LRP1B: variants seen among roughly 807,000 people sequenced by gnomAD.
The protein encoded by LRP1B is low-density lipoprotein receptor-related protein 1B.
In LRP1B, 217 loss-of-function variants were observed where a neutral mutation model predicts 556.6. That is an observed-to-expected ratio of 0.39 (90% confidence interval 0.35 to 0.44). The LOEUF is 0.44. LRP1B is among the 20% of genes least tolerant of loss of function. The pLI is 1.00. For synonymous variants in LRP1B, 2,047 were observed against 1,865.8 expected (o/e 1.10, Z -2.50); for missense variants, 5,053 against 5,620.8 (o/e 0.90, Z 3.23).
chr2:140,327,334 G>A lies in LRP1B; in HGVS notation c.12224-1456C>T, dbSNP rs937421227. On this transcript the variant is annotated intron_variant, in intron 79 of 90. Transcript: ENST00000389484. Reference sequence around the variant, plus strand: ...ACAAATATTTAGCTCACATGTAATCGAACTAAATATTTTGTTCCTCAAGTA... The same window carrying A: ...ACAAATATTTAGCTCACATGTAATCAAACTAAATATTTTGTTCCTCAAGTA... Among the ~76,000 whole-genome samples, 13 of 152,088 alleles carry A rather than the reference G, an allele frequency of 8.5e-5. No homozygotes were observed. In the East Asian group the frequency reaches 1.7e-3, roughly 20 times the overall value.
chr2:141,027,096 T>C (rs1698237549), intron 11 of LRP1B, among the ~76,000 whole-genome samples: 4 of 152,144 alleles, frequency 2.6e-5, no homozygotes, highest in African/African-American at 2.4e-5. Context: ...CAAAGTTTCC[T>C]TGGAAGAAGG....
intron 41 of LRP1B, among the ~76,000 whole-genome samples, chr2:140,695,179 AC>A (rs1233527097): frequency 1.1e-4 from 16 of 151,552 alleles, no homozygotes; most frequent in Non-Finnish European, 2.9e-5. Flanking sequence ...TTTAGTACTC[AC>A]TTCTCTCTAC....
intron 66 of LRP1B, among the ~76,000 whole-genome samples, chr2:140,405,944 A>C (rs1424969242): frequency 1.3e-5 from 2 of 152,192 alleles, no homozygotes; most frequent in Non-Finnish European, 2.9e-5. Context: ...AATCCCCAAC[A>C]AAATACCAGA....
chr2:140,498,173 T>G (rs933861546), intron 55 of LRP1B, among the ~76,000 whole-genome samples: 1 of 151,864 alleles, frequency 6.6e-6, no homozygotes, highest in Non-Finnish European at 1.5e-5. Context: ...AAGTGAGAAT[T>G]ATATGTATTC....
intron 2 of LRP1B, among the ~76,000 whole-genome samples, chr2:141,573,132 C>T (rs1686596442): frequency 6.6e-6 from 1 of 152,194 alleles, no homozygotes; most frequent in Admixed American, 6.5e-5. Context: ...TACCCCAAAT[C>T]AATAGACTAT....
chr2:140,256,710 G>A lies in LRP1B; in HGVS notation c.13248-9548C>T, dbSNP rs543840967. Among the ~76,000 whole-genome samples the A allele has an allele frequency of 1.8e-4, 27 of 151,106 alleles. 1 individual carries two copies. The South Asian group carries it at 4.8e-3, about 27-fold the overall frequency. ...TCTCAATCTCTTGACCTTGTGATCC[G>A]CCTGCCTCAGCTTCCCAAAGTGCTG... On this transcript the variant is annotated intron_variant, in intron 86 of 90. Coordinates refer to ENST00000389484, the MANE Select transcript of LRP1B (RefSeq NM_018557.3).
At chr2:140,518,598 AC>A (rs1186961872) in intron 49 of LRP1B, among the ~76,000 whole-genome samples, 18 of 152,146 alleles carry the variant, frequency 1.2e-4, no homozygotes, top group Non-Finnish European at 7.4e-5. Flanking sequence ...GAATCTTGGC[AC>A]CAGTTTCGTA....
At chr2:140,366,841 GT>G (rs1682783906) in intron 71 of LRP1B, among the ~76,000 whole-genome samples, 1 of 151,726 alleles carries the variant, frequency 6.6e-6, no homozygotes, top group Non-Finnish European at 1.5e-5. Context: ...AGTGAGCCTT[GT>G]TGCTTGTGTG....
chr2:141,455,819 G>C (rs1681609123), intron 3 of LRP1B, among the ~76,000 whole-genome samples: 1 of 152,126 alleles, frequency 6.6e-6, no homozygotes, highest in African/African-American at 2.4e-5. Flanking sequence ...ATTTAAACTT[G>C]AAAATGTGAA....
At chr2:140,805,368 A>C (rs1042908374) in intron 32 of LRP1B, among the ~76,000 whole-genome samples, 11 of 152,244 alleles carry the variant, frequency 7.2e-5, no homozygotes, top group Non-Finnish European at 1.5e-4. Flanking sequence ...TGTGACTCAA[A>C]GTTTCTTTCA....
chr2:140,394,124 ATTTTTTTT>A (rs34965660), intron 66 of LRP1B, among the ~76,000 whole-genome samples: 23 of 122,502 alleles, frequency 1.9e-4, no homozygotes, highest in South Asian at 5.3e-4. Flanking sequence ...ACTGGCACAT[ATTTTTTTT>A]TTTTTTTTTT....
At chr2:140,606,395 A>G (rs1019706877) in intron 41 of LRP1B, among the ~76,000 whole-genome samples, 1 of 152,024 alleles carries the variant, frequency 6.6e-6, no homozygotes, top group African/African-American at 2.4e-5. Context: ...GAAAGATAAC[A>G]ATGTTCATGG....
chr2:141,290,301 C>G (rs1202842961), intron 3 of LRP1B, among the ~76,000 whole-genome samples: 1 of 152,040 alleles, frequency 6.6e-6, no homozygotes, highest in Non-Finnish European at 1.5e-5. Context: ...ATATCGCCCA[C>G]TAAGTGTTTT....
At chr2:140,849,780 T>C (rs1182550173) in intron 29 of LRP1B, among the ~76,000 whole-genome samples, 1 of 152,086 alleles carries the variant, frequency 6.6e-6, no homozygotes, top group African/African-American at 2.4e-5. Context: ...CCTCAAGTGA[T>C]CCACCCGCCT....
intron 2 of LRP1B, among the ~76,000 whole-genome samples, chr2:141,625,185 T>C (rs1385040271): frequency 1.3e-5 from 2 of 152,240 alleles, no homozygotes; most frequent in Non-Finnish European, 2.9e-5. Flanking sequence ...TTCTTCGCAC[T>C]TTTTAAGTCA....
intron 41 of LRP1B, among the ~76,000 whole-genome samples, chr2:140,685,296 G>A (rs1469484622): frequency 1.3e-5 from 2 of 152,114 alleles, no homozygotes; most frequent in African/African-American, 4.8e-5. Flanking sequence ...TCAGTAAAGA[G>A]AAATAAAGAT....
chr2:140,713,158 T>A (rs1184923203), intron 37 of LRP1B, among the ~76,000 whole-genome samples: 2 of 152,040 alleles, frequency 1.3e-5, no homozygotes, highest in Admixed American at 1.3e-4. Flanking sequence ...GAGTATTTCC[T>A]CTCCAAACTT....
Position 141,007,369 on chromosome 2 carries a change from AAAAAT to A in LRP1B, c.2381-1917_2381-1913del, listed in dbSNP as rs560644173. On this transcript the variant is annotated intron_variant, in intron 14 of 90. Transcript: ENST00000389484. ...AGTATATTATCATTTCATTATCTTG[AAAAAT>A]AAATTTAATTCACTATGTTTATAAC... is the stretch of plus-strand genomic sequence containing the variant. Among the ~76,000 whole-genome samples, 11 of 152,022 alleles carry A rather than the reference AAAAAT, an allele frequency of 7.2e-5. No individual in the cohort carries two copies. The East Asian group carries it at 2.1e-3, about 29-fold the overall frequency.
intron 16 of LRP1B, among the ~76,000 whole-genome samples, chr2:140,990,587 C>T (rs1238986789): frequency 6.6e-6 from 1 of 151,718 alleles, no homozygotes; most frequent in East Asian, 1.9e-4. Context: ...CATGAGTTTT[C>T]TTCCCTAGTA....
Sources: gnomAD v4.1 joint callset for allele counts (sites outside exome capture counted in the v4.1 genomes callset) on GRCh38, gnomAD v4.1.1 for gene constraint, MANE v1.5 for transcripts, NCBI Gene and HGNC (gene_info 2026-07-23, HGNC 2026-07-21) for gene names.